ANKRD60: variants seen among roughly 807,000 people sequenced by gnomAD.
ANKRD60 encodes ankyrin repeat domain-containing protein 60.
A neutral mutation model predicts 21.3 loss-of-function variants in ANKRD60; 24 were observed. The ratio of observed to expected loss-of-function variants is 1.13; its 90% confidence interval spans 0.82 to 1.59. The LOEUF is 1.59. Ranked by LOEUF, ANKRD60 falls within the 40% of genes most tolerant of loss-of-function variation. The pLI is 0.00. For synonymous variants in ANKRD60, 182 were observed against 199.4 expected (o/e 0.91, Z 0.74); for missense variants, 490 against 466.7 (o/e 1.05, Z -0.46).
chr20:58,220,636 C>T (rs1427546262), intron 3 of ANKRD60, among the ~76,000 whole-genome samples: 1 of 151,896 alleles, frequency 6.6e-6, no homozygotes, highest in Non-Finnish European at 1.5e-5. Context: ...TGCCATCCAC[C>T]ACAGAGCTGT....
chr20:58,224,067 A>T (rs1195184120), intron 1 of ANKRD60, among the ~76,000 whole-genome samples: 2 of 151,926 alleles, frequency 1.3e-5, no homozygotes, highest in Admixed American at 1.3e-4. Flanking sequence ...ACACCACTGC[A>T]TTCCAGCCTG....
intron 1 of ANKRD60, among the ~76,000 whole-genome samples, chr20:58,224,632 A>C (rs978158928): frequency 6.6e-6 from 1 of 152,350 alleles, no homozygotes; most frequent in African/African-American, 2.4e-5. Flanking sequence ...GTGATCAGCA[A>C]ATCTGTTAAT....
intron 3 of ANKRD60, among the ~76,000 whole-genome samples, chr20:58,220,483 G>A (rs1181669816): frequency 3.2e-5 from 3 of 92,792 alleles, no homozygotes; most frequent in African/African-American, 8.8e-5. Flanking sequence ...TATCTATCAA[G>A]AGAGCCAGAG....
chr20:58,228,448 G>T lies in ANKRD60; in HGVS notation c.206C>A (p.Ala69Asp), dbSNP rs1032723801. ...GACGAGCCGCTGGCTCCGGCCGCGG[G>T]CACAGGCCAGGGGCTGCGCGGGGAG... The change falls in exon 1 of 4, where the codon GCC becomes GAC. Residue 69 changes from alanine to aspartate, a missense_variant. Coordinates refer to ENST00000457363, the Ensembl canonical transcript of ANKRD60. The surrounding 1 kb of genome is among the most constrained non-coding windows in gnomAD (Gnocchi z 5.3). 5 of 1,539,262 alleles carry T rather than the reference G, an allele frequency of 3.2e-6. No individual in the cohort carries two copies. Among genetic ancestry groups the T allele is most frequent in the Admixed American group, 2.0e-5 (1 of 50,894 alleles).
downstream of ANKRD60, among the ~76,000 whole-genome samples, chr20:58,217,876 C>A (rs1325349067): frequency 6.6e-6 from 1 of 152,208 alleles, no homozygotes; most frequent in East Asian, 1.9e-4. Context: ...TCCTCCCCAT[C>A]TAGCACCAAC....
Position 58,228,550 on chromosome 20 carries a change from G to T in ANKRD60, c.104C>A (p.Ala35Glu), listed in dbSNP as rs1436470086. 1 of 1,299,558 alleles carries T rather than the reference G, an allele frequency of 7.7e-7. No individual in the cohort carries two copies. Among genetic ancestry groups the T allele is most frequent in the Non-Finnish European group, 9.7e-7 (1 of 1,026,508 alleles). The allele number at this position is 1,299,558 out of a possible 1,614,324, so 80.5% of individuals were successfully genotyped here. Reference sequence around the variant, plus strand: ...GGCCCGCGCACCGCTCCTGCGTCCCGCATTGGGGTGCAGGCGAGAGGCGCC... The same window carrying T: ...GGCCCGCGCACCGCTCCTGCGTCCCTCATTGGGGTGCAGGCGAGAGGCGCC... Residue 35 changes from alanine to glutamate, a missense_variant, in exon 1 of 4, where the codon GCG becomes GAG. Transcript: ENST00000457363. This position sits in a 1 kb window ranked among gnomAD's most constrained non-coding sequence, Gnocchi z 5.3.
At chr20:58,226,218 T>C (rs2122813337) in intron 1 of ANKRD60, among the ~76,000 whole-genome samples, 1 of 152,336 alleles carries the variant, frequency 6.6e-6, no homozygotes, top group South Asian at 2.1e-4. Context: ...CAGTTTACTC[T>C]GGATTTGGGG....
chr20:58,222,386 C>T (rs1984277229), intron 2 of ANKRD60, among the ~76,000 whole-genome samples: 1 of 152,210 alleles, frequency 6.6e-6, no homozygotes, highest in African/African-American at 2.4e-5. Context: ...CCTGCTACAC[C>T]CAGCCTTCCC....
At chr20:58,225,049 G>T (rs1984337829) in intron 1 of ANKRD60, among the ~76,000 whole-genome samples, 1 of 152,154 alleles carries the variant, frequency 6.6e-6, no homozygotes, top group Non-Finnish European at 1.5e-5. Flanking sequence ...ATAGGCAGTA[G>T]CCCAAATTTC....
chr20:58,220,961 G>T (rs1022924818), intron 3 of ANKRD60, among the ~76,000 whole-genome samples: 19 of 152,124 alleles, frequency 1.2e-4, no homozygotes, highest in Non-Finnish European at 2.5e-4. Context: ...GACCATTGCA[G>T]CATCCTAATT....
chr20:58,223,351 T>C (rs185048776), intron 1 of ANKRD60, among the ~76,000 whole-genome samples, 169 bp from the exon 2 acceptor site: 29 of 152,364 alleles, frequency 1.9e-4, no homozygotes, highest in Middle Eastern at 3.4e-3. Flanking sequence ...TTGTTGGTAA[T>C]GCTTTTCAGA....
intron 2 of ANKRD60, 84 bp downstream of exon 2, chr20:58,222,968 A>G: frequency 7.0e-7 from 1 of 1,418,868 alleles, no homozygotes; most frequent in South Asian, 1.5e-5. Context: ...TTATTCACAT[A>G]TCCGTATTAA....
At chr20:58,221,471 G>A (rs1055714651) in exon 3 of ANKRD60, 1 of 1,551,810 alleles carries the variant, frequency 6.4e-7, no homozygotes, top group African/African-American at 1.4e-5. Context: ...CGGTTCGGTA[G>A]AAGGAATCTT....
At chr20:58,222,138 A>T (rs1273806158) in intron 2 of ANKRD60, among the ~76,000 whole-genome samples, 1 of 152,152 alleles carries the variant, frequency 6.6e-6, no homozygotes, top group Non-Finnish European at 1.5e-5. Context: ...AACAGCAGGG[A>T]GGTGACCCCT....
intron 2 of ANKRD60, among the ~76,000 whole-genome samples, chr20:58,221,738 C>T (rs79131321): frequency 3.3e-5 from 5 of 152,224 alleles, no homozygotes; most frequent in Admixed American, 1.3e-4. Flanking sequence ...GTCAGTCAGG[C>T]TCGGAACACA....
At chr20:58,223,891 C>T (rs530228105) in intron 1 of ANKRD60, among the ~76,000 whole-genome samples, 6 of 152,234 alleles carry the variant, frequency 3.9e-5, no homozygotes, top group African/African-American at 1.4e-4. Context: ...ACTTTGAGCC[C>T]AGGAGTTCGA....
At chr20:58,227,443 T>C (rs1759112015) in intron 1 of ANKRD60, among the ~76,000 whole-genome samples, 2 of 152,074 alleles carry the variant, frequency 1.3e-5, no homozygotes, top group South Asian at 4.2e-4. Flanking sequence ...GCCTGGAGAT[T>C]TGGGGTTCAG....
chr20:58,222,016 G>A (rs1327215144), intron 2 of ANKRD60, among the ~76,000 whole-genome samples: 1 of 152,198 alleles, frequency 6.6e-6, no homozygotes, highest in Admixed American at 6.5e-5. Flanking sequence ...AGCCTGGGAG[G>A]AAGGCTACGG....
intron 1 of ANKRD60, among the ~76,000 whole-genome samples, chr20:58,227,117 T>C (rs1291051776): frequency 1.3e-5 from 2 of 152,160 alleles, no homozygotes; most frequent in East Asian, 3.9e-4. Flanking sequence ...GTGGACATGG[T>C]TGTGGAGGAT....
Sources: gnomAD v4.1 joint callset for allele counts (sites outside exome capture counted in the v4.1 genomes callset) on GRCh38, gnomAD v4.1.1 for gene constraint, Gnocchi (gnomAD v3.1) non-coding constraint, MANE v1.5 for transcripts, NCBI Gene and HGNC (gene_info 2026-07-23, HGNC 2026-07-21) for gene names.